SMOC2: variants seen among roughly 807,000 people sequenced by gnomAD.
SMOC2 encodes SPARC-related modular calcium-binding protein 2.
SMOC2 carries 39 observed loss-of-function variants against 61.4 expected under a neutral mutation model. That is an observed-to-expected ratio of 0.64 (90% confidence interval 0.49 to 0.83). SMOC2 has a LOEUF of 0.83. SMOC2 is among the 40% of genes least tolerant of loss of function. SMOC2 has a pLI of 0.00. For synonymous variants in SMOC2, 247 were observed against 239.9 expected (o/e 1.03, Z -0.27); for missense variants, 556 against 592.9 (o/e 0.94, Z 0.65).
intron 9 of SMOC2, among the ~76,000 whole-genome samples, chr6:168,647,050 A>C (rs1350944448): frequency 6.6e-6 from 1 of 152,192 alleles, no homozygotes; most frequent in African/African-American, 2.4e-5. Context: ...GTGGACTTTG[A>C]GAGGGCCTGG....
intron 11 of SMOC2, among the ~76,000 whole-genome samples, chr6:168,659,009 T>A (rs1787402688): frequency 1.4e-5 from 2 of 142,266 alleles, no homozygotes; most frequent in Non-Finnish European, 3.1e-5. Context: ...GGTGTGTGTG[T>A]TTATGGTGTG....
At chr6:168,599,041 G>T in intron 8 of SMOC2, 37 bp downstream of exon 8, 1 of 1,532,640 alleles carries the variant, frequency 6.5e-7, no homozygotes, top group Non-Finnish European at 8.8e-7. Context: ...GGGACCATGG[G>T]AGGCTTTGGG....
chr6:168,510,582 T>G (rs1172091578), intron 2 of SMOC2, among the ~76,000 whole-genome samples: 2 of 152,216 alleles, frequency 1.3e-5, no homozygotes, highest in African/African-American at 4.8e-5. Flanking sequence ...CAAAAGATGC[T>G]GATGTTTCAG....
chr6:168,510,586 G>A lies in SMOC2; in HGVS notation c.256+500G>A, dbSNP rs536801534. On this transcript the variant is annotated intron_variant, in intron 2 of 12. Coordinates refer to ENST00000356284, the MANE Select transcript of SMOC2 (RefSeq NM_001166412.2). The stretch of plus-strand genomic sequence containing the variant: ...GTTTGATTCAGCAAAAGATGCTGAT[G>A]TTTCAGAGTTATTTTCAGAAAGAGA... Among the ~76,000 whole-genome samples the A allele has an allele frequency of 2.4e-4, 37 of 152,300 alleles. No individual in the cohort carries two copies. The South Asian group carries it at 7.7e-3, about 32-fold the overall frequency.
intron 1 of SMOC2, among the ~76,000 whole-genome samples, chr6:168,458,486 G>A (rs1230884386): frequency 2.0e-5 from 3 of 152,220 alleles, no homozygotes; most frequent in African/African-American, 7.2e-5. Flanking sequence ...CTGAGTCTCA[G>A]TCTTTCATGC....
chr6:168,515,568 A>G (rs970546083), intron 2 of SMOC2, among the ~76,000 whole-genome samples: 6 of 20,838 alleles, frequency 2.9e-4, no homozygotes, highest in African/African-American at 5.9e-4. Context: ...GCAGCCTCGC[A>G]CCTGCATCCT....
At chr6:168,457,090 T>C (rs1176376048) in intron 1 of SMOC2, among the ~76,000 whole-genome samples, 2 of 152,224 alleles carry the variant, frequency 1.3e-5, no homozygotes, top group East Asian at 1.9e-4. Context: ...GGCAAAGCCC[T>C]GTGTCCTCAC....
chr6:168,660,851 C>T (rs1024891782), intron 11 of SMOC2, among the ~76,000 whole-genome samples: 3 of 152,206 alleles, frequency 2.0e-5, no homozygotes, highest in Non-Finnish European at 4.4e-5. Flanking sequence ...TGGAGCACAG[C>T]GCGATCTCTT....
intron 1 of SMOC2, among the ~76,000 whole-genome samples, chr6:168,500,508 G>A (rs1012758070): frequency 4.6e-5 from 7 of 152,078 alleles, no homozygotes; most frequent in Non-Finnish European, 7.4e-5. Context: ...TAGGGTCTCC[G>A]CGTGGTCATG....
chr6:168,655,394 A>G (rs1264180320), intron 11 of SMOC2: 1 of 456,664 alleles, frequency 2.2e-6, no homozygotes, highest in Non-Finnish European at 4.4e-6. Flanking sequence ...CAACCGTGAC[A>G]GGAAGTAAGA....
chr6:168,461,192 C>T (rs868143078), intron 1 of SMOC2, among the ~76,000 whole-genome samples: 3 of 152,258 alleles, frequency 2.0e-5, no homozygotes, highest in African/African-American at 7.2e-5. Context: ...GGGGTACTCC[C>T]GTTTTAAATC....
At chr6:168,566,479 C>CTTTTTTT (rs10553952) in intron 7 of SMOC2, among the ~76,000 whole-genome samples, 2 of 118,240 alleles carry the variant, frequency 1.7e-5, no homozygotes, top group African/African-American at 6.3e-5. Context: ...TGTAGCACTT[C>CTTTTTTT]TTTTTTTTTT....
At chr6:168,480,784 T>G (rs1782188361) in intron 1 of SMOC2, among the ~76,000 whole-genome samples, 1 of 151,986 alleles carries the variant, frequency 6.6e-6, no homozygotes, top group Non-Finnish European at 1.5e-5. Flanking sequence ...TGACCAAACT[T>G]TCAATAGACA....
At chr6:168,629,315 A>G (rs1250122590) in intron 9 of SMOC2, among the ~76,000 whole-genome samples, 1 of 152,156 alleles carries the variant, frequency 6.6e-6, no homozygotes, top group South Asian at 2.1e-4. Flanking sequence ...TTCTTCCCAC[A>G]TGGGAAGGGA....
chr6:168,549,282 A>T (rs750435633), intron 7 of SMOC2, 79 bp downstream of exon 7: 541 of 1,367,912 alleles, frequency 4.0e-4, no homozygotes, highest in Non-Finnish European at 5.3e-4. Flanking sequence ...TTTGGAGTTA[A>T]GTGTATTGTA....
chr6:168,458,574 C>G (rs1284683666), intron 1 of SMOC2, among the ~76,000 whole-genome samples: 1 of 152,122 alleles, frequency 6.6e-6, no homozygotes, highest in Non-Finnish European at 1.5e-5. Context: ...TTGACAACAC[C>G]CTTTGCCTTC....
At chr6:168,590,197 G>C (rs2115171494) in intron 7 of SMOC2, among the ~76,000 whole-genome samples, 1 of 126,414 alleles carries the variant, frequency 7.9e-6, no homozygotes, top group South Asian at 3.1e-4. Context: ...TTAGTTTAGG[G>C]GGCAGCCGGC....
At chr6:168,503,298 G>A (rs1223068957) in intron 1 of SMOC2, among the ~76,000 whole-genome samples, 2 of 147,850 alleles carry the variant, frequency 1.4e-5, no homozygotes, top group Non-Finnish European at 3.0e-5. Flanking sequence ...GGCTGGTCTC[G>A]AACTCCTGAC....
intron 7 of SMOC2, among the ~76,000 whole-genome samples, chr6:168,595,400 A>T (rs190330016): frequency 6.6e-6 from 1 of 152,166 alleles, no homozygotes; most frequent in Non-Finnish European, 1.5e-5. Context: ...TCCCTCTACC[A>T]GCGTGATTAA....
Sources: allele counts gnomAD v4.1 joint callset (sites outside exome capture counted in the v4.1 genomes callset), GRCh38; gene constraint gnomAD v4.1.1; transcripts MANE v1.5; gene names NCBI Gene and HGNC (gene_info 2026-07-23, HGNC 2026-07-21).